RIPOR2: variants seen among roughly 807,000 people sequenced by gnomAD.
RIPOR2 encodes rho family-interacting cell polarization regulator 2.
Under a neutral mutation model 114.5 loss-of-function variants are expected in RIPOR2, and 39 were observed. The observed-to-expected ratio is 0.34, with a 90% CI of 0.26 to 0.44. RIPOR2 has a LOEUF of 0.44. RIPOR2 is among the 20% of genes least tolerant of loss of function. The pLI, the probability that RIPOR2 is intolerant of heterozygous loss-of-function variation, is 1.00. For missense variants in RIPOR2, 1,007 were observed against 1,255.1 expected (o/e 0.80, Z 2.99); for synonymous variants, 445 against 484.4 (o/e 0.92, Z 1.07).
At chr6:24,983,193 T>TAC (rs5875016) in intron 1 of RIPOR2, among the ~76,000 whole-genome samples, 14,394 of 147,166 alleles carry the variant, frequency 0.098, 1,105 homozygotes, top group African/African-American at 0.22. Context: ...GTTGAACACG[T>TAC]ACACACACAC....
intron 1 of RIPOR2, among the ~76,000 whole-genome samples, chr6:24,933,967 T>C (rs1320076484): frequency 1.3e-5 from 2 of 152,186 alleles, no homozygotes; most frequent in African/African-American, 4.8e-5. Context: ...CATCCAGCCC[T>C]GCTTGGTCTT....
chr6:24,971,338 C>A (rs529360874), intron 1 of RIPOR2, among the ~76,000 whole-genome samples: 9 of 152,296 alleles, frequency 5.9e-5, no homozygotes, highest in African/African-American at 2.2e-4. Context: ...CATTGACAAG[C>A]ACTTTTAGGA....
chr6:24,806,166 G>C lies in RIPOR2; in HGVS notation c.*207C>G, dbSNP rs537614519. 1.8e-6 allele frequency: 1 copy of C among 549,936 alleles called. No individual in the cohort carries two copies. Among genetic ancestry groups the C allele is most frequent in the East Asian group, 3.2e-5 (1 of 31,312 alleles). 34.1% of individuals were successfully genotyped at this position (549,936 alleles called of 1,614,324 possible). On this transcript the variant is annotated 3_prime_UTR_variant, in exon 22 of 22. Transcript: ENST00000643898. ...AGGGCCTTGCTATGTTGCCCAGGTT[G>C]GTCTTGAACCTCCTGGGCTTAAGCA...
At chr6:24,902,376 G>A (rs1209783957) in intron 1 of RIPOR2, among the ~76,000 whole-genome samples, 2 of 151,876 alleles carry the variant, frequency 1.3e-5, no homozygotes, top group Admixed American at 6.6e-5. Flanking sequence ...CACCATGCCC[G>A]GCTAATTTGT....
intron 12 of RIPOR2, 22 bp downstream of exon 12, chr6:24,848,003 C>A (rs187750951): frequency 2.5e-6 from 4 of 1,613,566 alleles, no homozygotes; most frequent in East Asian, 4.5e-5. Flanking sequence ...TGATTCTACT[C>A]GGGAAATTAC....
rs962108453 is a variant in RIPOR2 at position 25,018,364 on chromosome 6, T to C, written c.76+23487A>G. ...GCAAACCCACTCATATACAGAATAA[T>C]CTACCACCAAAAAAGAGTTTGTATA... On this transcript the variant is annotated intron_variant, in intron 1 of 13. Coordinates refer to the RIPOR2 transcript ENST00000510784. 3.9e-5 allele frequency among the ~76,000 whole-genome samples: 6 copies of C among 152,304 alleles called. No homozygotes were observed. In the East Asian group the frequency reaches 5.8e-4, roughly 15 times the overall value.
intron 1 of RIPOR2, among the ~76,000 whole-genome samples, chr6:24,973,020 A>G (rs1290531145): frequency 6.6e-6 from 1 of 152,124 alleles, no homozygotes; most frequent in Admixed American, 6.6e-5. Flanking sequence ...TCTTTTAATT[A>G]TCTATGGCAC....
At chr6:24,876,201 A>T (rs1448572137) in intron 1 of RIPOR2, among the ~76,000 whole-genome samples, 1 of 152,086 alleles carries the variant, frequency 6.6e-6, no homozygotes, top group Admixed American at 6.5e-5. Context: ...GAGGCAGGAG[A>T]ATTGCTTGAA....
chr6:25,017,595 A>G (rs1484925557), intron 1 of RIPOR2, among the ~76,000 whole-genome samples: 3 of 152,184 alleles, frequency 2.0e-5, no homozygotes, highest in Admixed American at 1.3e-4. Context: ...GGCCACGCCT[A>G]TCACCCCTAT....
chr6:24,830,449 A>AC, intron 17 of RIPOR2, 60 bp downstream of exon 17: 6 of 1,238,786 alleles, frequency 4.8e-6, no homozygotes, highest in Non-Finnish European at 5.6e-6. Flanking sequence ...CCCGACCCCC[A>AC]CCCCAATGCC....
At chr6:24,925,433 G>T (rs797011000) in intron 1 of RIPOR2, among the ~76,000 whole-genome samples, 18 of 152,302 alleles carry the variant, frequency 1.2e-4, no homozygotes, top group African/African-American at 4.3e-4. Flanking sequence ...GCTGGGCGCG[G>T]TGGGTCATGC....
At chr6:24,864,671 C>G (rs1219738273) in intron 7 of RIPOR2, among the ~76,000 whole-genome samples, 1 of 152,124 alleles carries the variant, frequency 6.6e-6, no homozygotes, top group Admixed American at 6.5e-5. Flanking sequence ...GGAGTGAAGA[C>G]CTCTCTATGT....
At chr6:24,987,558 A>C (rs141178445) in intron 1 of RIPOR2, among the ~76,000 whole-genome samples, 77 of 152,306 alleles carry the variant, frequency 5.1e-4, no homozygotes, top group Non-Finnish European at 7.2e-4. Flanking sequence ...TTTGAAACAC[A>C]TAAGGAGATG....
At chr6:24,925,881 A>G (rs1298426376) in intron 1 of RIPOR2, among the ~76,000 whole-genome samples, 2 of 152,170 alleles carry the variant, frequency 1.3e-5, no homozygotes, top group African/African-American at 4.8e-5. Flanking sequence ...TCCCATGTAC[A>G]TGTAGTATTA....
chr6:25,034,603 A>T (rs191622721), intron 1 of RIPOR2, among the ~76,000 whole-genome samples: 8 of 152,288 alleles, frequency 5.3e-5, no homozygotes, highest in Admixed American at 5.2e-4. Flanking sequence ...GGCTCTTTAG[A>T]TCCTTCATCA....
chr6:24,876,370 A>AT (rs200283488), intron 1 of RIPOR2, among the ~76,000 whole-genome samples: 156 of 149,662 alleles, frequency 1.0e-3, no homozygotes, highest in East Asian at 3.7e-3. Flanking sequence ...TCCTTCAAGA[A>AT]TTTTTTTTTT....
rs986733194 is a variant in RIPOR2, at chr6:24,858,705, G to A, written c.715+2268C>T. On this transcript the variant is annotated intron_variant, in intron 8 of 21. Coordinates refer to ENST00000643898, the MANE Select transcript of RIPOR2 (RefSeq NM_001286445.3). This position sits in a 1 kb window ranked among gnomAD's most constrained non-coding sequence, Gnocchi z 4.0. ...AGAAACCCCATGGAAGAAACCAAGC[G>A]TTCAGGTGGACTCTCAGGAACATCA... Among the ~76,000 whole-genome samples the A allele has an allele frequency of 6.6e-5, 10 of 152,148 alleles. No individual in the cohort carries two copies. The highest frequency in any genetic ancestry group is 1.3e-4 in the Admixed American group (2 of 15,278).
chr6:24,939,268 C>T (rs1376508870), upstream of RIPOR2, among the ~76,000 whole-genome samples: 1 of 152,110 alleles, frequency 6.6e-6, no homozygotes, highest in Non-Finnish European at 1.5e-5. Context: ...TAAAAGAATG[C>T]TGAGCTTATA....
intron 1 of RIPOR2, among the ~76,000 whole-genome samples, chr6:24,929,016 A>C (rs1316194697): frequency 1.3e-5 from 2 of 152,180 alleles, no homozygotes; most frequent in African/African-American, 4.8e-5. Context: ...TTTTTAAGCA[A>C]ACCGAGACAT....
Sources: gnomAD v4.1 joint callset for allele counts (sites outside exome capture counted in the v4.1 genomes callset) on GRCh38, gnomAD v4.1.1 for gene constraint, Gnocchi (gnomAD v3.1) non-coding constraint, MANE v1.5 for transcripts, NCBI Gene and HGNC (gene_info 2026-07-23, HGNC 2026-07-21) for gene names.